Variants in HDX observed in about 807,000 individuals in gnomAD.
The protein encoded by HDX is highly divergent homeobox, also known as chromosome X open reading frame 43.
A neutral mutation model predicts 45.2 loss-of-function variants in HDX; 19 were observed. That is an observed-to-expected ratio of 0.42 (90% CI 0.29 to 0.62). The LOEUF (loss-of-function observed/expected upper bound fraction) is 0.62, where lower values mean the gene tolerates loss of function less well. Among genes scored for constraint, HDX ranks in the 20% least tolerant of loss-of-function variants. The probability of loss-of-function intolerance (pLI) is 0.20; values close to 1 mark genes in which losing one functional copy is unlikely to be tolerated. For synonymous variants in HDX, 188 were observed against 172.8 expected (o/e 1.09, Z -0.69); for missense variants, 532 against 493.9 (o/e 1.08, Z -0.73).
intron 9 of HDX, among the ~76,000 whole-genome samples, chrX:84,327,415 G>A (rs1027064234): frequency 1.3e-4 from 14 of 111,607 alleles, no homozygotes; most frequent in Non-Finnish European, 2.6e-4. Flanking sequence ...AATCAAGAAA[G>A]GATGGTATTG....
chrX:84,435,470 C>G (rs2039604208), intron 5 of HDX, among the ~76,000 whole-genome samples: 1 of 110,288 alleles, frequency 9.1e-6, no homozygotes, highest in Non-Finnish European at 1.9e-5. Context: ...AGCCCTTTGT[C>G]AGATGAGTAG....
At chrX:84,343,922 C>G (rs1393958881) in intron 7 of HDX, among the ~76,000 whole-genome samples, 4 of 110,952 alleles carry the variant, frequency 3.6e-5, no homozygotes. Context: ...TTATGCCATA[C>G]TCTTTCATTA....
At chrX:84,345,466 C>G (rs2037180092) in intron 6 of HDX, among the ~76,000 whole-genome samples, 1 of 111,134 alleles carries the variant, frequency 9.0e-6, no homozygotes, top group African/African-American at 3.3e-5. Context: ...TGTATCGAGC[C>G]CATTCGTTTT....
chrX:84,387,492 A>G (rs982696852), intron 5 of HDX, among the ~76,000 whole-genome samples: 1 of 111,789 alleles, frequency 8.9e-6, no homozygotes, highest in Non-Finnish European at 1.9e-5. Context: ...CTTGTTTTAT[A>G]TATGTGAGTA....
intron 5 of HDX, among the ~76,000 whole-genome samples, chrX:84,374,977 A>G (rs1210308560): frequency 3.8e-5 from 4 of 106,536 alleles, no homozygotes; most frequent in Non-Finnish European, 7.7e-5. Flanking sequence ...ATGGGAGAAA[A>G]TTTTCACAAC....
At chrX:84,500,389 T>C (rs1204037016) in intron 1 of HDX, 1 of 110,110 alleles carries the variant, frequency 9.1e-6, no homozygotes, top group Non-Finnish European at 1.9e-5. Context: ...AAGAAATGGA[T>C]GTCATGGTCC....
intron 5 of HDX, among the ~76,000 whole-genome samples, chrX:84,376,244 A>G (rs747254851): frequency 6.2e-5 from 7 of 112,491 alleles, no homozygotes; most frequent in Non-Finnish European, 1.1e-4. Context: ...TCCAGGTACT[A>G]CGCCAAGGGT....
intron 1 of HDX, among the ~76,000 whole-genome samples, chrX:84,488,740 A>G (rs1257406393): frequency 4.5e-5 from 5 of 111,557 alleles, no homozygotes; most frequent in Non-Finnish European, 7.5e-5. Flanking sequence ...TTTCTGAACT[A>G]CCTTATTCAC....
chrX:84,372,291 A>G (rs2037915366), intron 5 of HDX, among the ~76,000 whole-genome samples: 1 of 112,102 alleles, frequency 8.9e-6, no homozygotes. Context: ...TTTTTTTGGC[A>G]TCATGTACAG....
chrX:84,457,626 A>G (rs2040141016), intron 4 of HDX, among the ~76,000 whole-genome samples: 1 of 111,745 alleles, frequency 8.9e-6, no homozygotes, highest in Non-Finnish European at 1.9e-5. Context: ...CTTCAGTCTG[A>G]ATTAATACTA....
chrX:84,439,183 G>T (rs964577798), intron 5 of HDX, among the ~76,000 whole-genome samples: 2 of 111,021 alleles, frequency 1.8e-5, no homozygotes, highest in African/African-American at 6.5e-5. Flanking sequence ...TTTCATGTTT[G>T]TTGGCCTCTT....
At chrX:84,437,810 G>A (rs1366952895) in intron 5 of HDX, among the ~76,000 whole-genome samples, 1 of 111,151 alleles carries the variant, frequency 9.0e-6, no homozygotes, top group Non-Finnish European at 1.9e-5. Flanking sequence ...TTATCTCTAG[G>A]TAGAGGAAGT....
At chrX:84,410,105 A>T in intron 5 of HDX, among the ~76,000 whole-genome samples, 1 of 108,301 alleles carries the variant, frequency 9.2e-6, no homozygotes. Flanking sequence ...CTGCAAAGAG[A>T]AACAGTTTCA....
chrX:84,496,008 A>G (rs1318825661), intron 1 of HDX, among the ~76,000 whole-genome samples: 3 of 111,795 alleles, frequency 2.7e-5, no homozygotes, highest in African/African-American at 9.7e-5. Context: ...ACCCAATACA[A>G]CTATATTCTT....
At chrX:84,405,063 A>C (rs2038788395) in intron 5 of HDX, among the ~76,000 whole-genome samples, 1 of 111,099 alleles carries the variant, frequency 9.0e-6, no homozygotes, top group African/African-American at 3.3e-5. Context: ...TTCAGTTGAT[A>C]ATTTTTGTGT....
At chrX:84,486,178 TA>T (rs1472768878) in intron 2 of HDX, among the ~76,000 whole-genome samples, 1 of 111,532 alleles carries the variant, frequency 9.0e-6, no homozygotes. Flanking sequence ...TTTTTTTGCA[TA>T]TTTTTAAGTG....
chrX:84,333,881 T>C (rs1370284227), intron 8 of HDX, 39 bp from the exon 9 acceptor site: 2 of 549,048 alleles, frequency 3.6e-6, no homozygotes, highest in Non-Finnish European at 6.2e-6. Context: ...ATATATCACA[T>C]CATTCTTACT....
At chrX:84,392,599 A>G (rs1358835919) in intron 5 of HDX, among the ~76,000 whole-genome samples, 2 of 110,151 alleles carry the variant, frequency 1.8e-5, no homozygotes, top group African/African-American at 3.3e-5. Context: ...TTTTATTATT[A>G]TTTTGTAGTT....
intron 5 of HDX, among the ~76,000 whole-genome samples, chrX:84,436,269 G>A (rs1200952452): frequency 6.9e-5 from 5 of 72,012 alleles, no homozygotes; most frequent in African/African-American, 2.7e-4. Context: ...CACACTCTGG[G>A]GACTGTGGTG....
Sources: gnomAD v4.1 joint callset for allele counts (sites outside exome capture counted in the v4.1 genomes callset) on GRCh38, gnomAD v4.1.1 for gene constraint, MANE v1.5 for transcripts, NCBI Gene and HGNC (gene_info 2026-07-23, HGNC 2026-07-21) for gene names.